Variants in GAS7 observed in about 807,000 individuals in gnomAD.
The protein encoded by GAS7 is growth arrest-specific protein 7.
Under a neutral mutation model 71.1 loss-of-function variants are expected in GAS7, and 28 were observed. The observed-to-expected ratio is 0.39, with a 90% CI of 0.29 to 0.54. GAS7 has a LOEUF of 0.54. Ranked by LOEUF, GAS7 falls within the 20% of genes least tolerant of loss-of-function variation. The pLI is 0.62. For synonymous variants in GAS7, 258 were observed against 245.8 expected (o/e 1.05, Z -0.46); for missense variants, 436 against 627.8 (o/e 0.69, Z 3.27).
At chr17:10,143,472 G>T (rs2074099226) in intron 1 of GAS7, among the ~76,000 whole-genome samples, 1 of 151,486 alleles carries the variant, frequency 6.6e-6, no homozygotes, top group African/African-American at 2.4e-5. Context: ...AACCCAGGAG[G>T]CAGAGGTTGC....
At position 9,919,244 on chromosome 17, in the gene GAS7, C is replaced by A. The variant is rs2067705132; in HGVS notation, c.1218+382G>T. 6.6e-6 allele frequency among the ~76,000 whole-genome samples: 1 copy of A among 152,168 alleles called. No homozygotes were observed. The highest frequency in any genetic ancestry group is 2.4e-5 in the African/African-American group (1 of 41,436). ...CATCCACTTTGCAAGGATCTCCTAC[C>A]AAGGACCTGCAACTCGTGTGTGTGC... On this transcript the variant is annotated intron_variant, in intron 12 of 13. Coordinates refer to ENST00000432992, the MANE Select transcript of GAS7 (RefSeq NM_201433.2). The surrounding 1 kb of genome is among the most constrained non-coding windows in gnomAD (Gnocchi z 5.0).
chr17:10,035,430 C>T (rs1169420585), intron 1 of GAS7, among the ~76,000 whole-genome samples: 1 of 152,184 alleles, frequency 6.6e-6, no homozygotes, highest in Non-Finnish European at 1.5e-5. Flanking sequence ...GCACGTTAAC[C>T]TTTGAGAAGC....
intron 2 of GAS7, among the ~76,000 whole-genome samples, chr17:10,012,974 G>C (rs2071836033): frequency 6.6e-6 from 1 of 151,858 alleles, no homozygotes; most frequent in African/African-American, 2.4e-5. Flanking sequence ...GTGGTGGCGG[G>C]CACTTATAGT....
At chr17:10,082,237 C>T (rs2073465010) in intron 1 of GAS7, among the ~76,000 whole-genome samples, 1 of 152,112 alleles carries the variant, frequency 6.6e-6, no homozygotes, top group South Asian at 2.1e-4. Flanking sequence ...TCATGGGAAA[C>T]ACATACCAAC....
intron 1 of GAS7, among the ~76,000 whole-genome samples, chr17:10,116,387 T>C (rs908175234): frequency 1.3e-5 from 2 of 151,672 alleles, no homozygotes; most frequent in Non-Finnish European, 2.9e-5. Flanking sequence ...CTGTAAGAAA[T>C]GCATGGAACA....
At chr17:10,087,288 G>T (rs1487383926) in intron 1 of GAS7, among the ~76,000 whole-genome samples, 1 of 152,138 alleles carries the variant, frequency 6.6e-6, no homozygotes, top group Admixed American at 6.5e-5. Flanking sequence ...CCAGATCACT[G>T]ATAGAGAAGA....
At chr17:10,153,038 C>CAA (rs397857973) in intron 1 of GAS7, among the ~76,000 whole-genome samples, 23 of 75,976 alleles carry the variant, frequency 3.0e-4, no homozygotes, top group African/African-American at 4.4e-4. Context: ...ACTAAAAATA[C>CAA]AAAAAAAAAA....
intron 1 of GAS7, among the ~76,000 whole-genome samples, chr17:10,091,195 G>A (rs1029180702): frequency 1.1e-4 from 16 of 152,044 alleles, no homozygotes; most frequent in Non-Finnish European, 2.1e-4. Context: ...AGCACAACAG[G>A]AAACTCCACA....
At chr17:9,972,034 A>C (rs1262016780) in intron 3 of GAS7, among the ~76,000 whole-genome samples, 1 of 152,224 alleles carries the variant, frequency 6.6e-6, no homozygotes, top group Non-Finnish European at 1.5e-5. Context: ...CCCCAGCTAC[A>C]GGGTTTACCC....
intron 1 of GAS7, among the ~76,000 whole-genome samples, chr17:10,051,352 C>A (rs1355426475): frequency 2.0e-5 from 3 of 152,200 alleles, no homozygotes; most frequent in Non-Finnish European, 4.4e-5. Flanking sequence ...TACCTTCTAA[C>A]CATTCTGACA....
chr17:10,176,417 G>C (rs145211687), intron 1 of GAS7, among the ~76,000 whole-genome samples: 1 of 152,150 alleles, frequency 6.6e-6, no homozygotes, highest in Admixed American at 6.5e-5. Flanking sequence ...TTCATCACCC[G>C]TAAACTTCAA....
At chr17:9,928,884 G>T (rs2068108398) in intron 9 of GAS7, among the ~76,000 whole-genome samples, 1 of 152,184 alleles carries the variant, frequency 6.6e-6, no homozygotes, top group African/African-American at 2.4e-5. Context: ...TCAATCCCCT[G>T]GGTGACAAGA....
chr17:10,104,140 G>A (rs182122644), intron 1 of GAS7, among the ~76,000 whole-genome samples: 38 of 152,054 alleles, frequency 2.5e-4, no homozygotes, highest in Admixed American at 1.6e-3. Context: ...TCACGGCTTC[G>A]AATCTTTTAC....
chr17:9,945,579 A>G (rs2068758958), intron 6 of GAS7, among the ~76,000 whole-genome samples: 1 of 152,050 alleles, frequency 6.6e-6, no homozygotes, highest in Non-Finnish European at 1.5e-5. Context: ...TGAGAGGTGT[A>G]GGCAACAGGG....
At chr17:10,151,731 G>A (rs2074167986) in intron 1 of GAS7, among the ~76,000 whole-genome samples, 1 of 151,912 alleles carries the variant, frequency 6.6e-6, no homozygotes, top group African/African-American at 2.4e-5. Flanking sequence ...TTTTTACAGA[G>A]AAAGGGTTTC....
intron 12 of GAS7, among the ~76,000 whole-genome samples, chr17:9,918,859 C>G (rs1432638817): frequency 2.6e-5 from 4 of 152,078 alleles, no homozygotes; most frequent in African/African-American, 7.2e-5. Flanking sequence ...GGGGGTAAAG[C>G]AGGGGGCTTA....
intron 1 of GAS7, among the ~76,000 whole-genome samples, chr17:10,132,995 T>C (rs1287350034): frequency 6.6e-6 from 1 of 151,920 alleles, no homozygotes; most frequent in Non-Finnish European, 1.5e-5. Flanking sequence ...CTTTCTCCCC[T>C]GCAGGCATCC....
At chr17:10,112,710 G>C (rs910360347) in intron 1 of GAS7, among the ~76,000 whole-genome samples, 6 of 143,810 alleles carry the variant, frequency 4.2e-5, no homozygotes, top group African/African-American at 1.5e-4. Flanking sequence ...GTGCACTCCA[G>C]CCTGGGCCAT....
At chr17:9,953,623 G>A (rs1226970467) in intron 5 of GAS7, among the ~76,000 whole-genome samples, 2 of 152,242 alleles carry the variant, frequency 1.3e-5, no homozygotes, top group African/African-American at 2.4e-5. Flanking sequence ...CTCCAGCCTC[G>A]ACCACGAAGC....
Sources: gnomAD v4.1 joint callset for allele counts (sites outside exome capture counted in the v4.1 genomes callset) on GRCh38, gnomAD v4.1.1 for gene constraint, Gnocchi (gnomAD v3.1) non-coding constraint, MANE v1.5 for transcripts, NCBI Gene and HGNC (gene_info 2026-07-23, HGNC 2026-07-21) for gene names.